FRMPD3: variants seen among roughly 807,000 people sequenced by gnomAD.
The protein encoded by FRMPD3 is FERM and PDZ domain-containing protein 3.
In FRMPD3, 42 loss-of-function variants were observed where a neutral mutation model predicts 97.9. The ratio of observed to expected loss-of-function variants is 0.43; its 90% CI spans 0.34 to 0.55. The LOEUF is 0.55. FRMPD3 is among the 20% of genes least tolerant of loss of function. The pLI, the probability that FRMPD3 is intolerant of heterozygous loss-of-function variation, is 0.03. For synonymous variants in FRMPD3, 577 were observed against 581.1 expected, an observed-to-expected ratio of 0.99 and a Z score of 0.10; for missense variants, 1,303 against 1,457.7, an observed-to-expected ratio of 0.89 and a Z score of 1.73.
At position 107,490,166 on chromosome X, in the gene FRMPD3, C is replaced by A. The variant is rs1408250073; in HGVS notation, c.-7-36416C>A. On this transcript the variant is annotated intron_variant, in intron 1 of 14. Coordinates refer to ENST00000683843, the MANE Select transcript of FRMPD3 (RefSeq NM_001388459.1). ...TGGTTGTAGATATGCGGCATTATTT[C>A]TGAGGGCTCTGTTCTGTTCCATTGA... is the stretch of plus-strand genomic sequence containing the variant. Among the ~76,000 whole-genome samples, 4 of 111,797 alleles carry A rather than the reference C, an allele frequency of 3.6e-5. No individual in the cohort carries two copies. In the East Asian group the frequency reaches 1.1e-3, roughly 31 times the overall value.
intron 12 of FRMPD3, among the ~76,000 whole-genome samples, chrX:107,574,118 AT>A (rs1923017117): frequency 8.9e-6 from 1 of 112,291 alleles, no homozygotes; most frequent in Non-Finnish European, 1.9e-5. Context: ...GAGATGTGTG[AT>A]GAATGAATAC....
intron 1 of FRMPD3, among the ~76,000 whole-genome samples, chrX:107,461,295 A>ACCCT (rs779815740): frequency 9.0e-6 from 1 of 110,736 alleles, no homozygotes; most frequent in East Asian, 2.8e-4. Context: ...CTCCAACCTT[A>ACCCT]CCCTCCACGC....
chrX:107,488,331 C>T (rs948373400), intron 1 of FRMPD3, among the ~76,000 whole-genome samples: 2 of 112,272 alleles, frequency 1.8e-5, no homozygotes, highest in South Asian at 7.5e-4. Flanking sequence ...CCATCACAGC[C>T]GCATGCTCTG....
chrX:107,450,803 A>G (rs1396545462), intron 1 of FRMPD3, among the ~76,000 whole-genome samples: 1 of 110,450 alleles, frequency 9.1e-6, no homozygotes, highest in Non-Finnish European at 1.9e-5. Context: ...GTGTTTTCTC[A>G]GAGTGGTCTT....
At chrX:107,599,089 A>G (rs1433169516) in intron 14 of FRMPD3, among the ~76,000 whole-genome samples, 2 of 110,901 alleles carry the variant, frequency 1.8e-5, no homozygotes, top group Non-Finnish European at 3.8e-5. Flanking sequence ...CCTGGCCAAC[A>G]TGGTGAAAAC....
intron 1 of FRMPD3, among the ~76,000 whole-genome samples, chrX:107,506,632 A>G (rs778301941): frequency 5.3e-5 from 6 of 112,418 alleles, no homozygotes; most frequent in African/African-American, 1.9e-4. Context: ...CTCCCAGCCT[A>G]TCCCTTCCCA....
intron 6 of FRMPD3, 83 bp downstream of exon 6, chrX:107,550,239 C>A: frequency 3.1e-6 from 2 of 645,640 alleles, no homozygotes; most frequent in South Asian, 5.3e-5. Flanking sequence ...TCTGAGTCTG[C>A]ACATAGCTGC....
rs116609661 is a variant in FRMPD3 at position 107,556,945 on chromosome X, C to T, written c.762+2441C>T. Among the ~76,000 whole-genome samples the T allele has an allele frequency of 5.7e-3, 644 of 112,026 alleles. 3 individuals are homozygous for T. Among genetic ancestry groups the T allele is most frequent in the African/African-American group, 0.02 (612 of 30,873 alleles). On this transcript the variant is annotated intron_variant, in intron 8 of 14. Coordinates refer to ENST00000683843, the MANE Select transcript of FRMPD3 (RefSeq NM_001388459.1). ...CTATGAACTTTCATGTACCAGTCTT[C>T]GTATGGACATATGCCTTCTTTTCTT... is the stretch of plus-strand genomic sequence containing the variant.
intron 1 of FRMPD3, among the ~76,000 whole-genome samples, chrX:107,515,967 T>C (rs1401069595): frequency 9.1e-6 from 1 of 109,684 alleles, no homozygotes; most frequent in Non-Finnish European, 1.9e-5. Flanking sequence ...GTTGGTGTGC[T>C]GCACCCATTA....
chrX:107,457,738 G>C (rs945466382), intron 1 of FRMPD3, among the ~76,000 whole-genome samples: 3 of 111,929 alleles, frequency 2.7e-5, no homozygotes, highest in Non-Finnish European at 3.8e-5. Context: ...CGACACCTCA[G>C]TAGGAACTTG....
rs764968094 is a variant in FRMPD3 at position 107,550,193 on chromosome X, T to G, written c.510+37T>G. 11 of 904,335 alleles carry G rather than the reference T, an allele frequency of 1.2e-5. No homozygotes were observed. In the South Asian group the frequency reaches 2.3e-4, roughly 19 times the overall value. The allele number at this position is 904,335 out of a possible 1,213,427, so 74.5% of individuals were successfully genotyped here. A position where few individuals can be genotyped will look rare whatever the true frequency, so the allele number is the denominator to read the frequency against. On this transcript the variant is annotated intron_variant, in intron 6 of 14. Transcript: ENST00000683843. ...CTCCTCCCCCTGGTCAGCATTGCCCTCTCCAGAGTACATGCAGTTGTGTGT... is the reference window on the plus strand; with the variant it reads ...CTCCTCCCCCTGGTCAGCATTGCCCGCTCCAGAGTACATGCAGTTGTGTGT...
At chrX:107,580,074 T>C (rs1199790668) in intron 13 of FRMPD3, among the ~76,000 whole-genome samples, 2 of 111,962 alleles carry the variant, frequency 1.8e-5, no homozygotes, top group Non-Finnish European at 3.8e-5. Flanking sequence ...CAGGGCCAAG[T>C]ACTAGAATGC....
chrX:107,575,222 T>C (rs1923055501), intron 12 of FRMPD3, among the ~76,000 whole-genome samples: 1 of 112,032 alleles, frequency 8.9e-6, no homozygotes, highest in Admixed American at 9.5e-5. Context: ...AAAATAGATC[T>C]TTGTGGTCTA....
rs754109263 is a variant in FRMPD3 at position 107,474,641 on chromosome X, A to G, written c.-8+24636A>G. On this transcript the variant is annotated intron_variant, in intron 1 of 14. Transcript: ENST00000683843. The stretch of plus-strand genomic sequence containing the variant: ...ACTCCCTTTGCCACATGGTTTTTAC[A>G]TAGGTTGCATATTCACTGGAAATAG... Among the ~76,000 whole-genome samples the G allele has an allele frequency of 7.2e-5, 8 of 111,440 alleles. No homozygotes were observed. In the East Asian group the frequency reaches 2.0e-3, roughly 28 times the overall value.
intron 12 of FRMPD3, among the ~76,000 whole-genome samples, chrX:107,571,801 G>C (rs1179518582): frequency 8.9e-6 from 1 of 112,185 alleles, no homozygotes; most frequent in Non-Finnish European, 1.9e-5. Context: ...CCTGCAGCCG[G>C]CCAGCTCATT....
chrX:107,590,046 T>C (rs1296117454), intron 13 of FRMPD3, among the ~76,000 whole-genome samples: 1 of 112,100 alleles, frequency 8.9e-6, no homozygotes, highest in African/African-American at 3.2e-5. Flanking sequence ...TCCCAGCTAC[T>C]CAGGAGGCTG....
chrX:107,549,084 A>G (rs1160610083), intron 5 of FRMPD3, among the ~76,000 whole-genome samples: 1 of 111,145 alleles, frequency 9.0e-6, no homozygotes, highest in Non-Finnish European at 1.9e-5. Flanking sequence ...AGAGAAAGAG[A>G]ACAGTCTTTA....
intron 13 of FRMPD3, among the ~76,000 whole-genome samples, chrX:107,586,564 C>T (rs1923657378): frequency 9.0e-6 from 1 of 111,464 alleles, no homozygotes; most frequent in Non-Finnish European, 1.9e-5. Flanking sequence ...ATCTTTCTAG[C>T]TTTCTGATGA....
At chrX:107,588,815 T>G (rs1157094103) in intron 13 of FRMPD3, among the ~76,000 whole-genome samples, 2 of 111,768 alleles carry the variant, frequency 1.8e-5, no homozygotes, top group East Asian at 5.6e-4. Flanking sequence ...GCATGCCTTA[T>G]TTCAGCAAGG....
Sources: gnomAD v4.1 joint callset for allele counts (sites outside exome capture counted in the v4.1 genomes callset) on GRCh38, gnomAD v4.1.1 for gene constraint, MANE v1.5 for transcripts, NCBI Gene and HGNC (gene_info 2026-07-23, HGNC 2026-07-21) for gene names.